Variants in CNTNAP3B observed in about 807,000 individuals in gnomAD.
CNTNAP3B encodes the protein contactin associated protein family member 3B.
A neutral mutation model predicts 108.9 loss-of-function variants in CNTNAP3B; 25 were observed. The observed-to-expected ratio is 0.23, with a 90% CI of 0.17 to 0.32. The LOEUF (loss-of-function observed/expected upper bound fraction) is 0.32. CNTNAP3B is among the 10% of genes least tolerant of loss of function. CNTNAP3B has a pLI of 1.00. For missense variants in CNTNAP3B, 252 were observed against 1,210.4 expected, an observed-to-expected ratio of 0.21 and a Z score of 11.75; for synonymous variants, 103 against 473.4, an observed-to-expected ratio of 0.22 and a Z score of 10.16.
At chr9:41,959,069 A>C (rs1824969465) in intron 12 of CNTNAP3B, among the ~76,000 whole-genome samples, 1 of 142,578 alleles carries the variant, frequency 7.0e-6, no homozygotes, top group South Asian at 2.3e-4. Context: ...GAAAACTGTC[A>C]TTCTGTATAT....
chr9:41,942,299 C>T (rs1299875430), intron 13 of CNTNAP3B, among the ~76,000 whole-genome samples: 1 of 152,264 alleles, frequency 6.6e-6, no homozygotes, highest in Non-Finnish European at 1.5e-5. Flanking sequence ...CATGGTGAAA[C>T]CCCATCTCTA....
chr9:41,957,967 T>C (rs541945545), intron 12 of CNTNAP3B, among the ~76,000 whole-genome samples: 30 of 152,372 alleles, frequency 2.0e-4, no homozygotes, highest in African/African-American at 7.0e-4. Flanking sequence ...TTTCACAGTG[T>C]TAGCCAGGAT....
intron 13 of CNTNAP3B, among the ~76,000 whole-genome samples, chr9:41,945,914 C>G (rs1452768265): frequency 7.9e-5 from 12 of 152,118 alleles, no homozygotes; most frequent in African/African-American, 2.7e-4. Flanking sequence ...GTAACACTAA[C>G]CAAAAAGAAA....
chr9:42,056,187 G>A (rs1325638103), intron 3 of CNTNAP3B, among the ~76,000 whole-genome samples: 1 of 133,410 alleles, frequency 7.5e-6, no homozygotes, highest in Non-Finnish European at 1.6e-5. Context: ...AACTATGAAA[G>A]TATAGTTGAA....
rs567118341 is a variant in CNTNAP3B, at chr9:42,079,655, G to A, written c.197-2593C>T. On this transcript the variant is annotated intron_variant, in intron 2 of 23. Coordinates refer to ENST00000377561, the MANE Select transcript of CNTNAP3B (RefSeq NM_001201380.3). ...TCCTGCCTCAGCCACCCAAGTAGCC[G>A]GGATTACAGGTACATGCCACCACGC... 2.6e-4 allele frequency among the ~76,000 whole-genome samples: 36 copies of A among 135,890 alleles called. 5 individuals are homozygous for A. The East Asian group carries it at 3.4e-3, about 13-fold the overall frequency. 89.1% of individuals were successfully genotyped at this position (135,890 alleles called of 152,430 possible).
At chr9:41,929,553 A>G in intron 14 of CNTNAP3B, 109 bp from the exon 15 acceptor site, 2 of 1,374,130 alleles carry the variant, frequency 1.5e-6, no homozygotes, top group Non-Finnish European at 9.8e-7. Flanking sequence ...GCTTAACAGA[A>G]TACTTAACAT....
intron 14 of CNTNAP3B, among the ~76,000 whole-genome samples, chr9:41,937,098 A>ATTTAT (rs1824180586): frequency 2.1e-5 from 3 of 141,182 alleles, no homozygotes; most frequent in South Asian, 2.2e-4. Context: ...TGACCATTAC[A>ATTTAT]TTTTTTATTT....
intron 2 of CNTNAP3B, among the ~76,000 whole-genome samples, chr9:42,097,425 C>T (rs1230630416): frequency 7.1e-6 from 1 of 139,882 alleles, no homozygotes; most frequent in Non-Finnish European, 1.5e-5. Context: ...GTTGTGGTCA[C>T]TAGTAATGTT....
At chr9:42,053,622 C>T (rs1428878099) in intron 3 of CNTNAP3B, among the ~76,000 whole-genome samples, 2 of 140,606 alleles carry the variant, frequency 1.4e-5, no homozygotes, top group South Asian at 2.3e-4. Context: ...GTCAAAGGAC[C>T]TAATTCAGAG....
At chr9:41,948,070 GA>G (rs1341198148) in intron 13 of CNTNAP3B, among the ~76,000 whole-genome samples, 12 of 151,760 alleles carry the variant, frequency 7.9e-5, no homozygotes, top group Admixed American at 7.9e-4. Context: ...TTTTATTGGA[GA>G]ATTCTTTTTG....
intron 14 of CNTNAP3B, among the ~76,000 whole-genome samples, chr9:41,931,372 G>C (rs1157963323): frequency 6.6e-6 from 1 of 152,128 alleles, no homozygotes; most frequent in Non-Finnish European, 1.5e-5. Flanking sequence ...ATAAATTACT[G>C]TTAACTATAA....
intron 3 of CNTNAP3B, among the ~76,000 whole-genome samples, chr9:42,042,524 CACA>C (rs1826782612): frequency 7.2e-6 from 1 of 137,976 alleles, no homozygotes; most frequent in Non-Finnish European, 1.5e-5. Flanking sequence ...GTTGAACATG[CACA>C]ACCATTTTTT....
chr9:41,951,690 C>T (rs1824689232), intron 13 of CNTNAP3B, among the ~76,000 whole-genome samples: 1 of 151,828 alleles, frequency 6.6e-6, no homozygotes, highest in Non-Finnish European at 1.5e-5. Context: ...TCTACTAGAC[C>T]AAATTGGCTG....
rs549695731 is a variant in CNTNAP3B at position 41,995,764 on chromosome 9, G to A, written c.1071+441C>T. On this transcript the variant is annotated intron_variant, in intron 7 of 23. Coordinates refer to ENST00000377561, the MANE Select transcript of CNTNAP3B (RefSeq NM_001201380.3). ...AAAAAAAAAAAAATTGGCCAGGCCC[G>A]GTGGCTCACACCTGTAATCCCAGCA... Among the ~76,000 whole-genome samples the A allele has an allele frequency of 1.6e-3, 212 of 133,914 alleles. 24 individuals are homozygous for A. The highest frequency in any genetic ancestry group is 2.1e-3 in the Non-Finnish European group (132 of 63,472). 87.9% of individuals were successfully genotyped at this position (133,914 alleles called of 152,430 possible). A position where few individuals can be genotyped will look rare whatever the true frequency, so the allele number is the denominator to read the frequency against.
intron 1 of CNTNAP3B, among the ~76,000 whole-genome samples, chr9:42,119,276 T>C (rs1466964783): frequency 8.0e-6 from 1 of 125,472 alleles, no homozygotes; most frequent in African/African-American, 3.3e-5. Context: ...TTACAAGGGA[T>C]GTGAAGGAAC....
chr9:41,995,468 A>C lies in CNTNAP3B; in HGVS notation c.1071+737T>G, dbSNP rs1357820438. Among the ~76,000 whole-genome samples, 10 of 127,310 alleles carry C rather than the reference A, an allele frequency of 7.9e-5. 1 individual carries two copies. The highest frequency in any genetic ancestry group is 1.6e-4 in the Admixed American group (2 of 12,584). The allele number at this position is 127,310 out of a possible 152,430, so 83.5% of individuals were successfully genotyped here. On this transcript the variant is annotated intron_variant, in intron 7 of 23. Coordinates refer to ENST00000377561, the MANE Select transcript of CNTNAP3B (RefSeq NM_001201380.3). Reference sequence around the variant, plus strand: ...ACAAAAACAAAAACAAAAACAAAAAAAGTGCGCCTGTGGTCCTATCACTTT... The same window carrying C: ...ACAAAAACAAAAACAAAAACAAAAACAGTGCGCCTGTGGTCCTATCACTTT...
chr9:41,948,198 T>C (rs1215804452), intron 13 of CNTNAP3B, among the ~76,000 whole-genome samples: 1 of 146,640 alleles, frequency 6.8e-6, no homozygotes, highest in Non-Finnish European at 1.5e-5. Context: ...TTCAAGCGAT[T>C]CTCCTGCCTC....
At chr9:41,972,981 A>C (rs1203917672) in intron 9 of CNTNAP3B, among the ~76,000 whole-genome samples, 5 of 97,874 alleles carry the variant, frequency 5.1e-5, no homozygotes. Context: ...GCTGTCACCC[A>C]GGCTGCAGTG....
At chr9:41,967,879 A>G (rs1268631339) in intron 10 of CNTNAP3B, among the ~76,000 whole-genome samples, 1 of 152,280 alleles carries the variant, frequency 6.6e-6, no homozygotes, top group Non-Finnish European at 1.5e-5. Flanking sequence ...TGCAATGATT[A>G]TTGTACACAT....
Sources: allele counts gnomAD v4.1 joint callset (sites outside exome capture counted in the v4.1 genomes callset), GRCh38; gene constraint gnomAD v4.1.1; transcripts MANE v1.5; gene names NCBI Gene and HGNC (gene_info 2026-07-23, HGNC 2026-07-21).